Variants in ACTA2 observed in about 807,000 individuals in gnomAD.
The protein encoded by ACTA2 is actin alpha 2, smooth muscle.
In ACTA2, 12 loss-of-function variants were observed where a neutral mutation model predicts 39.5. That is an observed-to-expected ratio of 0.30 (90% CI 0.19 to 0.49). ACTA2 has a LOEUF of 0.49. Among genes scored for constraint, ACTA2 ranks in the 20% least tolerant of loss-of-function variants. The pLI is 0.99. For synonymous variants in ACTA2, 158 were observed against 180.6 expected, an observed-to-expected ratio of 0.88 and a Z score of 1.00; for missense variants, 236 against 498.8, an observed-to-expected ratio of 0.47 and a Z score of 5.02.
chr10:88,980,064 C>T (rs1476266106), intron 1 of ACTA2, among the ~76,000 whole-genome samples: 1 of 152,230 alleles, frequency 6.6e-6, no homozygotes, highest in Non-Finnish European at 1.5e-5. Context: ...GACTTCTTTC[C>T]ACTTGAAATT....
rs1845780161 is a variant in ACTA2 at position 88,938,156 on chromosome 10, T to C, written c.895A>G (p.Asn299Asp). The stretch of plus-strand genomic sequence containing the variant: ...ATAGTGGTGCCCCCTGATAGGACAT[T>C]GTTAGCATAGAGGTCCTTCCTGATG... ...IDIRKDLYAN[N>D]VLSGGTTMYP... The change falls in exon 8 of 9, where the codon AAT becomes GAT. Residue 299 changes from asparagine (N) to aspartate (D), a missense_variant. Transcript: ENST00000224784. The C allele has an allele frequency of 6.2e-7, 1 of 1,614,034 alleles. No individual in the cohort carries two copies. The highest frequency in any genetic ancestry group is 8.5e-7 in the Non-Finnish European group (1 of 1,179,942).
At position 88,990,649 on chromosome 10, in the gene ACTA2, G is replaced by A. The variant is rs1475141354; in HGVS notation, c.-24+290C>T. ...CGGGGCTTTTCGTGAGCTCGTCTCT[G>A]ATCTCGCGCAAGAGTGACACACAGG... On this transcript the variant is annotated intron_variant, in intron 1 of 4. Transcript: ENST00000415557. This position sits in a 1 kb window ranked among gnomAD's most constrained non-coding sequence, Gnocchi z 4.9. 1.4e-6 allele frequency: 1 copy of A among 697,568 alleles called. No homozygotes were observed. The highest frequency in any genetic ancestry group is 1.8e-5 in the African/African-American group (1 of 57,108). 43.2% of individuals were successfully genotyped at this position (697,568 alleles called of 1,614,324 possible).
intron 1 of ACTA2, among the ~76,000 whole-genome samples, chr10:88,983,638 AACAC>A (rs755182708): frequency 0.067 from 6,889 of 102,434 alleles, 274 homozygotes; most frequent in Non-Finnish European, 0.092. Flanking sequence ...AAAAAAAAAA[AACAC>A]ACACACACAC....
chr10:88,941,752 C>G (rs374641258), intron 5 of ACTA2, 33 bp downstream of exon 5: 7 of 1,588,528 alleles, frequency 4.4e-6, no homozygotes, highest in Non-Finnish European at 6.0e-6. Flanking sequence ...GCAGTGCGCT[C>G]CAACCAGCTT....
At chr10:88,960,720 G>A (rs1846211640) in intron 1 of ACTA2, among the ~76,000 whole-genome samples, 1 of 148,416 alleles carries the variant, frequency 6.7e-6, no homozygotes, top group Admixed American at 6.7e-5. Flanking sequence ...TACCATTATT[G>A]ACAACAATGA....
intron 1 of ACTA2, among the ~76,000 whole-genome samples, chr10:88,960,328 T>G (rs920426016): frequency 2.0e-5 from 3 of 152,142 alleles, no homozygotes; most frequent in Non-Finnish European, 4.4e-5. Flanking sequence ...ATTCTCTGAG[T>G]GTGGATGACA....
intron 1 of ACTA2, among the ~76,000 whole-genome samples, chr10:88,949,769 TA>T (rs1465158354): frequency 6.6e-6 from 1 of 152,180 alleles, no homozygotes; most frequent in Non-Finnish European, 1.5e-5. Context: ...TAAATCTCAT[TA>T]AAAATGTATT....
At chr10:88,944,895 C>G (rs1315198893) in intron 3 of ACTA2, among the ~76,000 whole-genome samples, 1 of 152,180 alleles carries the variant, frequency 6.6e-6, no homozygotes, top group Non-Finnish European at 1.5e-5. Flanking sequence ...AAAATCAAAA[C>G]AGAGCAAAAC....
intron 1 of ACTA2, chr10:88,973,408 A>G: frequency 5.3e-6 from 7 of 1,314,630 alleles, no homozygotes; most frequent in East Asian, 2.6e-5. Flanking sequence ...CCCGATGAAA[A>G]CAACTCTTTC....
At chr10:88,938,348 T>G (rs1462147446) in intron 7 of ACTA2, 106 bp from the exon 8 acceptor site, 1 of 1,259,908 alleles carries the variant, frequency 7.9e-7, no homozygotes. Context: ...GGACTGAGGC[T>G]GGGAAGACAT....
intron 1 of ACTA2, chr10:88,974,047 C>G (rs1351634043): frequency 6.6e-6 from 1 of 152,178 alleles, no homozygotes; most frequent in African/African-American, 2.4e-5. Flanking sequence ...GATGATCTAC[C>G]CGCCTGGACC....
intron 1 of ACTA2, chr10:88,989,618 A>G: frequency 1.9e-6 from 1 of 532,862 alleles, no homozygotes; most frequent in Non-Finnish European, 3.7e-6. Flanking sequence ...GGGTGATGGA[A>G]AGCCCTCAGG....
chr10:88,970,064 T>C (rs1283265545), intron 1 of ACTA2, among the ~76,000 whole-genome samples: 1 of 152,096 alleles, frequency 6.6e-6, no homozygotes, highest in Non-Finnish European at 1.5e-5. Flanking sequence ...TTTAGATGGG[T>C]TTTAGAGATA....
upstream of ACTA2, among the ~76,000 whole-genome samples, chr10:88,955,363 T>A (rs914059652): frequency 3.9e-5 from 6 of 152,240 alleles, no homozygotes; most frequent in Admixed American, 3.9e-4. Flanking sequence ...AGACTGATCA[T>A]ATGCATTGGC....
intron 1 of ACTA2, among the ~76,000 whole-genome samples, chr10:88,977,089 A>G (rs1057008107): frequency 1.3e-5 from 2 of 152,310 alleles, no homozygotes. Context: ...AAAATTTAAG[A>G]TAATTTTCTC....
chr10:88,969,668 A>G (rs1846389394), intron 1 of ACTA2, among the ~76,000 whole-genome samples: 2 of 152,166 alleles, frequency 1.3e-5, no homozygotes, highest in Non-Finnish European at 2.9e-5. Context: ...TCTGACCACC[A>G]TATCATCCTC....
In ACTA2 at chr10:88,943,796, C is replaced by T. The variant is rs111799340; in HGVS notation, c.369+1G>A. On this transcript the variant is annotated splice_donor_variant, in intron 4 of 8. Coordinates refer to ENST00000224784, the MANE Select transcript of ACTA2 (RefSeq NM_001613.4). LOFTEE classifies it high-confidence loss of function. ...GTTGTGTGCTGGGGTAGCATACTTA[C>T]TTGAGTCATTTTCTCCCGGTTGGCC... 6.2e-7 allele frequency: 1 copy of T among 1,612,194 alleles called. No individual in the cohort carries two copies. Among genetic ancestry groups the T allele is most frequent in the Non-Finnish European group, 8.5e-7 (1 of 1,178,306 alleles).
At chr10:88,966,150 C>T (rs1846314394) in intron 1 of ACTA2, among the ~76,000 whole-genome samples, 1 of 152,120 alleles carries the variant, frequency 6.6e-6, no homozygotes, top group South Asian at 2.1e-4. Flanking sequence ...TAAACAAGAG[C>T]CACACAGAAG....
At chr10:88,938,433 T>TTA in intron 7 of ACTA2, 191 bp from the exon 8 acceptor site, 1 of 636,518 alleles carries the variant, frequency 1.6e-6, no homozygotes, top group Non-Finnish European at 2.8e-6. Context: ...TGCCTTCTAA[T>TTA]GAGGAAGGCC....
Sources: allele counts gnomAD v4.1 joint callset (sites outside exome capture counted in the v4.1 genomes callset), GRCh38; gene constraint gnomAD v4.1.1; non-coding constraint Gnocchi (gnomAD v3.1); transcripts MANE v1.5; gene names NCBI Gene and HGNC (gene_info 2026-07-23, HGNC 2026-07-21).